The following ACAN variants were observed in gnomAD, a reference collection of about 807,000 sequenced individuals.
The protein encoded by ACAN is aggrecan, also known as aggrecan core protein.
In ACAN, 47 loss-of-function variants were observed where a neutral mutation model predicts 169.1. That is an observed-to-expected ratio of 0.28 (90% confidence interval 0.22 to 0.35). The LOEUF is 0.35. ACAN is among the 10% of genes least tolerant of loss of function. ACAN has a pLI of 1.00. For synonymous variants in ACAN, 1,115 were observed against 1,112.2 expected, an observed-to-expected ratio of 1.00 and a Z score of -0.05; for missense variants, 2,716 against 2,759.9, an observed-to-expected ratio of 0.98 and a Z score of 0.36.
chr15:88,828,141 G>C (rs966875514), intron 1 of ACAN, among the ~76,000 whole-genome samples: 3 of 152,184 alleles, frequency 2.0e-5, no homozygotes, highest in Admixed American at 6.5e-5. Flanking sequence ...GAGGTTTCCA[G>C]GCGGTGGCAT....
intron 6 of ACAN, 142 bp from the exon 7 acceptor site, chr15:88,845,363 G>A (rs1896765609): frequency 7.9e-7 from 1 of 1,264,420 alleles, no homozygotes; most frequent in Admixed American, 2.9e-5. Context: ...AAATGGGCTT[G>A]GCAAGGTGCC....
In ACAN at chr15:88,839,277, T is replaced by C. The variant is rs567001035; in HGVS notation, c.454+231T>C. On this transcript the variant is annotated intron_variant, in intron 3 of 18. Transcript: ENST00000560601. This position sits in a 1 kb window ranked among gnomAD's most constrained non-coding sequence, Gnocchi z 4.5. ...CTGTGGTCACAGGTAACTGACAGTT[T>C]GTGCTTCCCAAGAATCCTGTGATCC... 2.0e-3 allele frequency among the ~76,000 whole-genome samples: 298 copies of C among 152,354 alleles called. 1 individual carries two copies. The highest frequency in any genetic ancestry group is 6.6e-3 in the South Asian group (32 of 4,826).
chr15:88,826,083 A>G (rs777986966), intron 1 of ACAN, among the ~76,000 whole-genome samples: 2 of 152,240 alleles, frequency 1.3e-5, no homozygotes, highest in Non-Finnish European at 2.9e-5. Context: ...TCCAACTGCC[A>G]GAGGTACGCG....
In ACAN at chr15:88,854,935, T is replaced by G; in HGVS notation, c.2350T>G (p.Ser784Ala). Residue 784 changes from serine to alanine, a missense_variant, in exon 12 of 19, where the codon TCA becomes GCA. Ser to Ala is a moderately conservative substitution (Grantham distance 99). This residue lies in a region of ACAN where 1,283 missense variants were observed against 1,281.5 expected (regional missense o/e 1.00). Transcript: ENST00000560601. ...GPSATEVPSA[S>A]EEPSPSEVPF... ...TTCTGCAACTGAAGTGCCCTCTGCC[T>G]CAGAGGAACCATCCCCCTCAGAGGT... 2.5e-6 allele frequency: 4 copies of G among 1,594,164 alleles called. No individual in the cohort carries two copies. Among genetic ancestry groups the G allele is most frequent in the Non-Finnish European group, 3.4e-6 (4 of 1,171,494 alleles).
At chr15:88,834,508 C>T (rs1460227145) in intron 1 of ACAN, among the ~76,000 whole-genome samples, 1 of 152,240 alleles carries the variant, frequency 6.6e-6, no homozygotes, top group East Asian at 1.9e-4. Flanking sequence ...CCAAGAGCGA[C>T]ACCTGCTGGG....
At chr15:88,811,710 C>T (rs1273117998) in intron 1 of ACAN, among the ~76,000 whole-genome samples, 1 of 152,186 alleles carries the variant, frequency 6.6e-6, no homozygotes, top group African/African-American at 2.4e-5. Context: ...CTGTTGTTCC[C>T]TGGCCTGTTG....
chr15:88,841,078 G>A (rs1414742349), intron 4 of ACAN, among the ~76,000 whole-genome samples: 7 of 152,222 alleles, frequency 4.6e-5, no homozygotes, highest in Non-Finnish European at 1.0e-4. Flanking sequence ...CCGGGAGGTG[G>A]AGCTTGCAGT....
At chr15:88,821,146 A>T (rs1461880328) in intron 1 of ACAN, among the ~76,000 whole-genome samples, 1 of 152,202 alleles carries the variant, frequency 6.6e-6, no homozygotes, top group East Asian at 1.9e-4. Flanking sequence ...GAATTATGGG[A>T]ACTACAACTG....
Position 88,861,112 on chromosome 15 carries a change from G to T in ACAN, c.6946+673G>T, listed in dbSNP as rs183945186. Among the ~76,000 whole-genome samples, 72 of 152,276 alleles carry T rather than the reference G, an allele frequency of 4.7e-4. 2 individuals carry two copies. In the East Asian group the frequency reaches 0.012, roughly 25 times the overall value. The stretch of plus-strand genomic sequence containing the variant: ...GGAAGGAGATGGTTAGAATCTACCT[G>T]TTGTTCCACGGACACACGGGAGGCC... On this transcript the variant is annotated intron_variant, in intron 13 of 18. Coordinates refer to ENST00000560601, the MANE Select transcript of ACAN (RefSeq NM_001369268.1). This position sits in a 1 kb window ranked among gnomAD's most constrained non-coding sequence, Gnocchi z 6.3.
In ACAN at chr15:88,868,280, T is replaced by G. The variant is rs1897312852; in HGVS notation, c.7011T>G (p.Ser2337=). The G allele has an allele frequency of 2.8e-6, 2 of 702,796 alleles. No homozygotes were observed. The highest frequency in any genetic ancestry group is 5.4e-5 in the East Asian group (2 of 37,278). 43.5% of individuals were successfully genotyped at this position (702,796 alleles called of 1,614,324 possible). A position where few individuals can be genotyped will look rare whatever the true frequency, so the allele number is the denominator to read the frequency against. ...NGATCVDAID[S]FTCLCLPSYE... is the part of the protein sequence containing the mutation. ...CCACCTGCGTGGATGCCATCGACTC[T>G]TTCACATGCTTATGCCTTCCCAGCT... The change falls in exon 14 of 19, where the codon TCT becomes TCG. Residue 2337 remains serine, a synonymous_variant. Transcript: ENST00000560601. The surrounding 1 kb of genome is among the most constrained non-coding windows in gnomAD (Gnocchi z 5.2).
Position 88,872,808 on chromosome 15 carries a change from G to A in ACAN, c.7303-73G>A, listed in dbSNP as rs1897412710. On this transcript the variant is annotated intron_variant, in intron 16 of 18. Transcript: ENST00000560601. This position sits in a 1 kb window ranked among gnomAD's most constrained non-coding sequence, Gnocchi z 5.4. Reference sequence around the variant, plus strand: ...AAGGAGATGATGAAGAGGCTCCACGGGGAAGACAGTCGGAGCAGGCCAACC... The same window carrying A: ...AAGGAGATGATGAAGAGGCTCCACGAGGAAGACAGTCGGAGCAGGCCAACC... 1 of 1,532,248 alleles carries A rather than the reference G, an allele frequency of 6.5e-7. No individual in the cohort carries two copies. The highest frequency in any genetic ancestry group is 8.9e-7 in the Non-Finnish European group (1 of 1,122,006). 94.9% of individuals were successfully genotyped at this position (1,532,248 alleles called of 1,614,324 possible).
chr15:88,810,283 C>T (rs1203381087), intron 1 of ACAN, among the ~76,000 whole-genome samples: 4 of 152,060 alleles, frequency 2.6e-5, no homozygotes, highest in Admixed American at 2.6e-4. Flanking sequence ...TTGGGTTACC[C>T]ATTGTCCACC....
chr15:88,838,649 C>A lies in ACAN; in HGVS notation c.71-14C>A. ...ACTAACAGGTCTCTCTTCTACCCCA[C>A]CTCTCCCACACAGACCATGACAACT... On this transcript the variant is annotated splice_polypyrimidine_tract_variant and intron_variant, in intron 2 of 18. Transcript: ENST00000560601. This position sits in a 1 kb window ranked among gnomAD's most constrained non-coding sequence, Gnocchi z 5.1. 6.4e-7 allele frequency: 1 copy of A among 1,561,172 alleles called. No individual in the cohort carries two copies. The highest frequency in any genetic ancestry group is 8.7e-7 in the Non-Finnish European group (1 of 1,150,242).
At chr15:88,827,469 T>C (rs1470710341) in intron 1 of ACAN, among the ~76,000 whole-genome samples, 2 of 152,244 alleles carry the variant, frequency 1.3e-5, no homozygotes, top group Non-Finnish European at 2.9e-5. Flanking sequence ...CACCCATTAG[T>C]TGGGTGGCTA....
At chr15:88,854,070 C>G (rs886903488) in intron 11 of ACAN, among the ~76,000 whole-genome samples, 2 of 152,202 alleles carry the variant, frequency 1.3e-5, no homozygotes, top group African/African-American at 2.4e-5. Flanking sequence ...AAGAATGTAG[C>G]CTTGATTAGT....
chr15:88,840,928 A>G (rs1442165890), intron 4 of ACAN, among the ~76,000 whole-genome samples: 1 of 152,184 alleles, frequency 6.6e-6, no homozygotes, highest in Non-Finnish European at 1.5e-5. Flanking sequence ...GCAGATCACG[A>G]AGTCAGGAGA....
chr15:88,850,943 C>CA (rs553780362), intron 10 of ACAN: 5,212 of 105,942 alleles, frequency 0.049, 252 homozygotes, highest in African/African-American at 0.13. Flanking sequence ...GACTCTGTCT[C>CA]AAAAAAAAAA....
Position 88,857,280 on chromosome 15 carries a change from C to T in ACAN, c.4695C>T (p.Asp1565=), listed in dbSNP as rs900122903. The change falls in exon 12 of 19, where the codon GAC becomes GAT. Residue 1565 remains aspartate, a synonymous_variant. Transcript: ENST00000560601. The part of the protein sequence containing the change: ...LETSASEVGT[D]LSGLPSGREG... ...CCTCTGCTTCTGAAGTAGGGACTGA[C>T]CTCAGTGGGCTTCCTTCTGGAAGGG... 1 of 1,613,166 alleles carries T rather than the reference C, an allele frequency of 6.2e-7. No individual in the cohort carries two copies. The highest frequency in any genetic ancestry group is 8.5e-7 in the Non-Finnish European group (1 of 1,179,746).
In ACAN at chr15:88,861,406, C is replaced by T. The variant is rs139644185; in HGVS notation, c.6946+967C>T. Among the ~76,000 whole-genome samples the T allele has an allele frequency of 3.7e-3, 564 of 152,112 alleles. 3 individuals are homozygous for T. Among genetic ancestry groups the T allele is most frequent in the African/African-American group, 0.013 (542 of 41,482 alleles). The stretch of plus-strand genomic sequence containing the variant: ...AACCTCATGTCGGGCAATTATCCTT[C>T]GATAGCCTTTACATCAAACACAGAG... On this transcript the variant is annotated intron_variant, in intron 13 of 18. Coordinates refer to ENST00000560601, the MANE Select transcript of ACAN (RefSeq NM_001369268.1). The surrounding 1 kb of genome is among the most constrained non-coding windows in gnomAD (Gnocchi z 6.3).
Sources: gnomAD v4.1 joint callset for allele counts (sites outside exome capture counted in the v4.1 genomes callset) on GRCh38, gnomAD v4.1.1 for gene constraint, gnomAD v4.1.1 regional missense constraint, Gnocchi (gnomAD v3.1) non-coding constraint, MANE v1.5 for transcripts, NCBI Gene and HGNC (gene_info 2026-07-23, HGNC 2026-07-21) for gene names.